Variants in PTPRM observed in about 807,000 individuals in gnomAD.
The protein encoded by PTPRM is protein tyrosine phosphatase receptor type M.
PTPRM carries 47 observed loss-of-function variants against 186.7 expected under a neutral mutation model. That is an observed-to-expected ratio of 0.25 (90% CI 0.20 to 0.32). PTPRM has a LOEUF of 0.32. PTPRM is among the 10% of genes least tolerant of loss of function. The pLI is 1.00. For synonymous variants in PTPRM, 668 were observed against 674.9 expected (o/e 0.99, Z 0.16); for missense variants, 1,494 against 1,865.0 (o/e 0.80, Z 3.66).
At chr18:7,808,038 C>A (rs951185481) in intron 2 of PTPRM, among the ~76,000 whole-genome samples, 1 of 152,108 alleles carries the variant, frequency 6.6e-6, no homozygotes, top group South Asian at 2.1e-4. Flanking sequence ...TGTGTCCCTG[C>A]GTCTTATGCA....
At chr18:7,995,090 G>T (rs1160378177) in intron 7 of PTPRM, among the ~76,000 whole-genome samples, 1 of 151,736 alleles carries the variant, frequency 6.6e-6, no homozygotes, top group African/African-American at 2.4e-5. Context: ...GAGAAAAACA[G>T]AAAAGACCCA....
At chr18:7,898,939 G>GTT (rs2049514706) in intron 3 of PTPRM, among the ~76,000 whole-genome samples, 1 of 152,188 alleles carries the variant, frequency 6.6e-6, no homozygotes, top group African/African-American at 2.4e-5. Context: ...TGGTCACAAT[G>GTT]TTTTTGTAAT....
intron 2 of PTPRM, among the ~76,000 whole-genome samples, chr18:7,884,950 AAGG>A: frequency 6.6e-6 from 1 of 150,472 alleles, no homozygotes; most frequent in South Asian, 2.1e-4. Flanking sequence ...AAAAAAAAAA[AAGG>A]AGAGAGAGAA....
intron 14 of PTPRM, among the ~76,000 whole-genome samples, chr18:8,240,361 A>T (rs959158224): frequency 4.0e-5 from 6 of 149,992 alleles, no homozygotes; most frequent in African/African-American, 1.2e-4. Flanking sequence ...GCGTGAACTC[A>T]GGAGGCAGAG....
At chr18:8,319,341 C>T (rs2095331222) in intron 22 of PTPRM, 127 bp downstream of exon 22, 2 of 613,638 alleles carry the variant, frequency 3.3e-6, no homozygotes, top group South Asian at 4.3e-5. Flanking sequence ...TCGGCAGGTA[C>T]ACTCTTGCCT....
At chr18:8,037,779 A>G (rs946844772) in intron 7 of PTPRM, among the ~76,000 whole-genome samples, 1 of 152,132 alleles carries the variant, frequency 6.6e-6, no homozygotes. Flanking sequence ...GCTAATCTGC[A>G]GAAGACAAGG....
chr18:8,301,950 C>T (rs371336764), intron 20 of PTPRM, among the ~76,000 whole-genome samples: 31 of 152,240 alleles, frequency 2.0e-4, no homozygotes, highest in African/African-American at 5.5e-4. Flanking sequence ...CCCAGGTGGC[C>T]GGTACAGCAG....
intron 5 of PTPRM, among the ~76,000 whole-genome samples, chr18:7,943,718 A>G (rs2052342898): frequency 6.6e-6 from 1 of 152,018 alleles, no homozygotes; most frequent in South Asian, 2.1e-4. Flanking sequence ...CCCTCCTCAC[A>G]CTTCAGAGCC....
chr18:7,818,410 C>G (rs2044972488), intron 2 of PTPRM, among the ~76,000 whole-genome samples: 1 of 152,152 alleles, frequency 6.6e-6, no homozygotes, highest in Non-Finnish European at 1.5e-5. Context: ...TTCTTTGTGC[C>G]TCTTCCTACC....
chr18:8,268,926 A>T (rs1459581971), intron 19 of PTPRM, among the ~76,000 whole-genome samples: 1 of 152,072 alleles, frequency 6.6e-6, no homozygotes, highest in Non-Finnish European at 1.5e-5. Flanking sequence ...AATATACCTC[A>T]GCATATATGA....
At chr18:7,835,160 G>T (rs4798602) in intron 2 of PTPRM, among the ~76,000 whole-genome samples, 89,395 of 147,382 alleles carry the variant, frequency 0.61, 27,190 homozygotes, top group East Asian at 0.87. Context: ...GTTTGTTCTT[G>T]CTTTTAAATT....
At chr18:8,090,842 A>C (rs548366840) in intron 11 of PTPRM, among the ~76,000 whole-genome samples, 2 of 152,210 alleles carry the variant, frequency 1.3e-5, no homozygotes, top group Non-Finnish European at 2.9e-5. Flanking sequence ...TGATCTGCCC[A>C]TCTTGGCCTC....
At chr18:8,133,211 C>A (rs1170949113) in intron 13 of PTPRM, among the ~76,000 whole-genome samples, 2 of 152,142 alleles carry the variant, frequency 1.3e-5, no homozygotes, top group Non-Finnish European at 2.9e-5. Context: ...CTGACTCTTA[C>A]AATGGCAACT....
intron 2 of PTPRM, among the ~76,000 whole-genome samples, chr18:7,865,203 T>A (rs1244499503): frequency 6.6e-6 from 1 of 152,200 alleles, no homozygotes; most frequent in African/African-American, 2.4e-5. Context: ...TTCTCTTGCC[T>A]GATTGCCCTG....
At chr18:8,389,119 T>C (rs1270909301) in intron 31 of PTPRM, among the ~76,000 whole-genome samples, 1 of 152,122 alleles carries the variant, frequency 6.6e-6, no homozygotes, top group African/African-American at 2.4e-5. Flanking sequence ...AATATTAACA[T>C]TGTAGTTCGT....
intron 13 of PTPRM, among the ~76,000 whole-genome samples, chr18:8,119,229 A>G (rs1377545284): frequency 2.6e-5 from 4 of 152,192 alleles, no homozygotes; most frequent in African/African-American, 4.8e-5. Flanking sequence ...GTCCTGATAT[A>G]ATTTCTAGAT....
intron 7 of PTPRM, among the ~76,000 whole-genome samples, chr18:8,028,198 C>A (rs1051305421): frequency 6.6e-6 from 1 of 152,168 alleles, no homozygotes; most frequent in African/African-American, 2.4e-5. Context: ...GATGGGGTTT[C>A]GCCATGTTGG....
intron 2 of PTPRM, among the ~76,000 whole-genome samples, chr18:7,803,649 T>C (rs1332084644): frequency 6.6e-6 from 1 of 152,014 alleles, no homozygotes; most frequent in Non-Finnish European, 1.5e-5. Flanking sequence ...GGTTAGCCCA[T>C]GGGGAAGGAG....
At position 8,304,367 on chromosome 18, in the gene PTPRM, CG is replaced by C. The variant is rs1196454197; in HGVS notation, c.2842+7918del. 3.9e-5 allele frequency among the ~76,000 whole-genome samples: 6 copies of C among 152,108 alleles called. 1 individual carries two copies. Among genetic ancestry groups the C allele is most frequent in the Middle Eastern group, 3.2e-3 (1 of 316 alleles). On this transcript the variant is annotated intron_variant, in intron 20 of 32. Coordinates refer to ENST00000580170, the MANE Select transcript of PTPRM (RefSeq NM_001105244.2). Reference sequence around the variant, plus strand: ...CCAGTCCAATGCATGCCTATGTACACGGGGGGAAAACCTCAGCGGATTATAA... The same window carrying C: ...CCAGTCCAATGCATGCCTATGTACACGGGGGAAAACCTCAGCGGATTATAA...
Sources: gnomAD v4.1 joint callset for allele counts (sites outside exome capture counted in the v4.1 genomes callset) on GRCh38, gnomAD v4.1.1 for gene constraint, MANE v1.5 for transcripts, NCBI Gene and HGNC (gene_info 2026-07-23, HGNC 2026-07-21) for gene names.